The following ICAM2 variants were observed in gnomAD, a reference collection of about 807,000 sequenced individuals.
The protein encoded by ICAM2 is intercellular adhesion molecule 2.
A neutral mutation model predicts 19.1 loss-of-function variants in ICAM2; 14 were observed. The ratio of observed to expected loss-of-function variants is 0.73; its 90% CI spans 0.48 to 1.15. The LOEUF (loss-of-function observed/expected upper bound fraction) is 1.15, where lower values mean the gene tolerates loss of function less well. Among genes scored for constraint, ICAM2 ranks in the 50% most tolerant of loss-of-function variants. ICAM2 has a pLI of 0.00. For missense variants in ICAM2, 311 were observed against 355.4 expected, an observed-to-expected ratio of 0.88 and a Z score of 1.00; for synonymous variants, 153 against 152.7, an observed-to-expected ratio of 1.00 and a Z score of -0.01.
At chr17:64,008,385 T>G (rs1911307231) in intron 1 of ICAM2, among the ~76,000 whole-genome samples, 2 of 152,154 alleles carry the variant, frequency 1.3e-5, no homozygotes, top group African/African-American at 4.8e-5. Context: ...TAGTGGAGAC[T>G]CTGTGTCCTC....
chr17:64,003,006 C>A (rs1910904674), intron 4 of ICAM2, 81 bp from the exon 5 acceptor site: 6 of 1,368,892 alleles, frequency 4.4e-6, no homozygotes. Context: ...AGTCCACCCC[C>A]AACCCAGACC....
At chr17:64,013,572 TCATGCATAAGG>T (rs537206878) in intron 1 of ICAM2, among the ~76,000 whole-genome samples, 31 of 152,184 alleles carry the variant, frequency 2.0e-4, no homozygotes, top group African/African-American at 7.0e-4. Context: ...GAGACATACT[TCATGCATAAGG>T]ATATGGAATT....
Position 64,006,419 on chromosome 17 carries a change from C to T in ICAM2, c.61+212G>A, listed in dbSNP as rs1911210343. ...TCAGGAGGCTGAGGTGGGAGGATCA[C>T]CCGAGCCCAGGGAGGTGCAGTGAGC... On this transcript the variant is annotated intron_variant, in intron 2 of 4. Transcript: ENST00000579788. The T allele has an allele frequency of 1.1e-5, 6 of 534,068 alleles. No homozygotes were observed. In the Admixed American group the frequency reaches 1.7e-4, roughly 15 times the overall value. The allele number at this position is 534,068 out of a possible 1,614,324, so 33.1% of individuals were successfully genotyped here. A position where few individuals can be genotyped will look rare whatever the true frequency, so the allele number is the denominator to read the frequency against.
rs374058840 is a variant in ICAM2 at position 64,003,850 on chromosome 17, A to T, written c.443T>A (p.Phe148Tyr). 2 of 1,614,060 alleles carry T rather than the reference A, an allele frequency of 1.2e-6. No homozygotes were observed. The highest frequency in any genetic ancestry group is 1.7e-6 in the Non-Finnish European group (2 of 1,180,040). ...TVEPLDSLTL[F>Y]LFRGNETLHY... is the part of the protein sequence containing the mutation. ...CAGAGTCTCATTGCCACGGAACAGG[A>T]AGAGGGTGAGGCTGTCCAGGGGCTC... Residue 148 changes from phenylalanine to tyrosine, a missense_variant, in exon 4 of 5, where the codon TTC becomes TAC. Physicochemically the swap from Phe to Tyr is conservative, Grantham distance 22. Coordinates refer to ENST00000579788, the MANE Select transcript of ICAM2 (RefSeq NM_001099789.2).
chr17:64,002,697 A>T lies in ICAM2; in HGVS notation c.*50T>A. The T allele has an allele frequency of 6.5e-7, 1 of 1,548,200 alleles. No homozygotes were observed. The highest frequency in any genetic ancestry group is 1.2e-5 in the South Asian group (1 of 86,800). On this transcript the variant is annotated 3_prime_UTR_variant, in exon 5 of 5. Transcript: ENST00000579788. ...GGCTGGACCTCAACCCTGAGGAGTC[A>T]CACTGAGTTCCAGTGACCACCGTGG...
chr17:64,014,729 GA>G, intron 1 of ICAM2, among the ~76,000 whole-genome samples: 8 of 17,048 alleles, frequency 4.7e-4, no homozygotes, highest in African/African-American at 6.2e-4. Flanking sequence ...AAGGAAGAAA[GA>G]AAGAAAGAAA....
At chr17:64,006,867 C>T in intron 1 of ICAM2, 132 bp from the exon 2 acceptor site, 1 of 616,332 alleles carries the variant, frequency 1.6e-6, no homozygotes, top group Non-Finnish European at 2.9e-6. Flanking sequence ...CGTTCTAGGA[C>T]CCCAGGCCTC....
At chr17:64,018,713 CTTTTTTTT>C (rs67934258) in intron 1 of ICAM2, among the ~76,000 whole-genome samples, 716 of 62,990 alleles carry the variant, frequency 0.011, 8 homozygotes, top group South Asian at 0.013. Flanking sequence ...GTTTACTTCT[CTTTTTTTT>C]TTTTTTTTTT....
chr17:64,010,882 G>A (rs1420120537), intron 1 of ICAM2, among the ~76,000 whole-genome samples: 3 of 152,062 alleles, frequency 2.0e-5, no homozygotes, highest in Admixed American at 6.6e-5. Flanking sequence ...GCATTCTAAG[G>A]TTCTAACTTG....
chr17:64,011,150 C>A (rs1598022864), intron 1 of ICAM2, among the ~76,000 whole-genome samples: 1 of 152,144 alleles, frequency 6.6e-6, no homozygotes, highest in African/African-American at 2.4e-5. Flanking sequence ...AGGACCTGAG[C>A]AGACATTTCT....
rs1475210781 is a variant in ICAM2, at chr17:64,003,979, G to A, written c.329-15C>T. 6.3e-7 allele frequency: 1 copy of A among 1,591,878 alleles called. No individual in the cohort carries two copies. The highest frequency in any genetic ancestry group is 8.6e-7 in the Non-Finnish European group (1 of 1,168,606). ...CCTTGGAGGCTCTGCAGGGGACAAA[G>A]GAGGGAGGTCTGGTCAGGATGGGGG... On this transcript the variant is annotated splice_polypyrimidine_tract_variant and intron_variant, in intron 3 of 4. Coordinates refer to ENST00000579788, the MANE Select transcript of ICAM2 (RefSeq NM_001099789.2).
chr17:64,014,277 A>G (rs1911564666), intron 1 of ICAM2, among the ~76,000 whole-genome samples: 1 of 146,060 alleles, frequency 6.8e-6, no homozygotes, highest in Non-Finnish European at 1.5e-5. Flanking sequence ...AATTTGAGAC[A>G]GGCCTGGGCA....
In ICAM2 at chr17:64,014,343, G is replaced by GAAAGAAAA. The variant is rs1255248403; in HGVS notation, c.-45+6179_-45+6180insTTTTCTTT. ...GGAAGGAAGGAAGGAAAGAAAGAAA[G>GAAAGAAAA]AAAGAAAGAAAGAAAGAAAGAAAGA... On this transcript the variant is annotated intron_variant, in intron 1 of 4. Transcript: ENST00000579788. 1.9e-3 allele frequency among the ~76,000 whole-genome samples: 85 copies of GAAAGAAAA among 45,812 alleles called. 1 individual carries two copies. The highest frequency in any genetic ancestry group is 2.7e-3 in the Non-Finnish European group (58 of 21,580). 30.1% of individuals were successfully genotyped at this position (45,812 alleles called of 152,430 possible).
chr17:64,011,917 A>G (rs1194713392), intron 1 of ICAM2, among the ~76,000 whole-genome samples: 1 of 152,238 alleles, frequency 6.6e-6, no homozygotes, highest in Admixed American at 6.5e-5. Context: ...ACTACTGGGT[A>G]TATATCCAAA....
intron 3 of ICAM2, 131 bp from the exon 4 acceptor site, chr17:64,004,095 T>C: frequency 1.5e-6 from 1 of 668,288 alleles, no homozygotes. Context: ...CCGGCTCCAG[T>C]GCAGAGAGGA....
At chr17:64,018,228 G>A (rs1911791892) in intron 1 of ICAM2, among the ~76,000 whole-genome samples, 1 of 151,132 alleles carries the variant, frequency 6.6e-6, no homozygotes, top group South Asian at 2.1e-4. Flanking sequence ...CAGCTACTCG[G>A]GAGGCTGAGG....
At position 64,006,695 on chromosome 17, in the gene ICAM2, T is replaced by C. The variant is rs1458374744; in HGVS notation, c.-4A>G. 6.2e-6 allele frequency: 10 copies of C among 1,605,236 alleles called. No individual in the cohort carries two copies. The highest frequency in any genetic ancestry group is 8.5e-6 in the Non-Finnish European group (10 of 1,171,836). On this transcript the variant is annotated 5_prime_UTR_variant, in exon 2 of 5. Transcript: ENST00000579788. ...TCCTGTAACCGAAAGAGGACATCTC[T>C]GGCAGTCTCCACGGGCTCGCAGGGA...
chr17:64,014,625 GAGAAAGAA>G (rs1257051051), intron 1 of ICAM2, among the ~76,000 whole-genome samples: 1 of 142,876 alleles, frequency 7.0e-6, no homozygotes, highest in African/African-American at 2.6e-5. Flanking sequence ...GGGAGAGAGA[GAGAAAGAA>G]AGAAAGAGAG....
At chr17:64,013,863 C>T (rs998406926) in intron 1 of ICAM2, among the ~76,000 whole-genome samples, 1 of 151,534 alleles carries the variant, frequency 6.6e-6, no homozygotes, top group Non-Finnish European at 1.5e-5. Flanking sequence ...GTAAAACCAC[C>T]ATCACAACAG....
Sources: gnomAD v4.1 joint callset for allele counts (sites outside exome capture counted in the v4.1 genomes callset) on GRCh38, gnomAD v4.1.1 for gene constraint, MANE v1.5 for transcripts, NCBI Gene and HGNC (gene_info 2026-07-23, HGNC 2026-07-21) for gene names.